SLC25A18: variants seen among roughly 807,000 people sequenced by gnomAD.
SLC25A18 encodes solute carrier family 25 member 18.
A neutral mutation model predicts 31.1 loss-of-function variants in SLC25A18; 24 were observed. The observed-to-expected ratio is 0.77, with a 90% CI of 0.56 to 1.08. The LOEUF (loss-of-function observed/expected upper bound fraction) is 1.08, where lower values mean the gene tolerates loss of function less well. Among genes scored for constraint, SLC25A18 ranks in the 50% least tolerant of loss-of-function variants. The probability of loss-of-function intolerance (pLI) is 0.00; values close to 1 mark genes in which losing one functional copy is unlikely to be tolerated. For synonymous variants in SLC25A18, 173 were observed against 161.9 expected, an observed-to-expected ratio of 1.07 and a Z score of -0.52; for missense variants, 371 against 418.5, an observed-to-expected ratio of 0.89 and a Z score of 0.99.
intron 1 of SLC25A18, among the ~76,000 whole-genome samples, chr22:17,568,236 G>A (rs1018983870): frequency 4.0e-5 from 6 of 151,782 alleles, no homozygotes; most frequent in East Asian, 2.0e-4. Context: ...GTGTGGTGGT[G>A]GGCACCTGTA....
At chr22:17,584,446 G>GGAAAGAGAGA (rs1205165235) in intron 7 of SLC25A18, among the ~76,000 whole-genome samples, 2 of 116,934 alleles carry the variant, frequency 1.7e-5, no homozygotes, top group African/African-American at 6.8e-5. Context: ...AAGGAAGGAA[G>GGAAAGAGAGA]GAGAGAGAGA....
intron 1 of SLC25A18, among the ~76,000 whole-genome samples, chr22:17,567,161 C>T (rs2056958776): frequency 6.6e-6 from 1 of 152,140 alleles, no homozygotes; most frequent in South Asian, 2.1e-4. Flanking sequence ...GACACTGTCT[C>T]AAAAATAATG....
At chr22:17,569,583 T>C in intron 1 of SLC25A18, 1 of 983,744 alleles carries the variant, frequency 1.0e-6, no homozygotes, top group Non-Finnish European at 1.2e-6. Flanking sequence ...TCAGTGTTTG[T>C]CCTCCTCCCT....
intron 2 of SLC25A18, among the ~76,000 whole-genome samples, chr22:17,574,597 A>G (rs113614017): frequency 0.056 from 8,366 of 148,906 alleles, 960 homozygotes; most frequent in African/African-American, 0.2. Context: ...GCTCACTGCA[A>G]TCACCACCTC....
chr22:17,569,520 G>A, intron 1 of SLC25A18: 11 of 723,348 alleles, frequency 1.5e-5, no homozygotes, highest in Non-Finnish European at 1.9e-5. Context: ...GAGAAGCAGA[G>A]ATTTGCTTCT....
At chr22:17,582,533 T>C (rs1200359290) in intron 5 of SLC25A18, 30 bp from the exon 6 acceptor site, 1 of 1,551,294 alleles carries the variant, frequency 6.4e-7, no homozygotes, top group South Asian at 1.2e-5. Context: ...TGGGATGGCC[T>C]TGACTCCCCA....
chr22:17,580,868 C>T (rs939177677), intron 3 of SLC25A18, 169 bp from the exon 4 acceptor site: 14 of 1,383,652 alleles, frequency 1.0e-5, no homozygotes, highest in Non-Finnish European at 1.3e-5. Flanking sequence ...GTGAGTGCGG[C>T]TGTCCTGTCT....
intron 2 of SLC25A18, among the ~76,000 whole-genome samples, chr22:17,576,772 C>A (rs921285296): frequency 7.9e-5 from 12 of 152,178 alleles, no homozygotes; most frequent in Non-Finnish European, 5.9e-5. Context: ...TAGGGAGGCT[C>A]ACCCTCCAGC....
intron 1 of SLC25A18, among the ~76,000 whole-genome samples, chr22:17,564,185 T>C (rs1439426546): frequency 6.6e-6 from 1 of 152,228 alleles, no homozygotes; most frequent in Non-Finnish European, 1.5e-5. Context: ...AAAGGCAGCG[T>C]AGATCTGCAG....
At chr22:17,568,959 C>A (rs2146207353) in intron 1 of SLC25A18, among the ~76,000 whole-genome samples, 1 of 151,196 alleles carries the variant, frequency 6.6e-6, no homozygotes, top group Non-Finnish European at 1.5e-5. Flanking sequence ...GAAATTACTA[C>A]TTATTTTTAA....
chr22:17,574,974 T>C (rs1000136944), intron 2 of SLC25A18, among the ~76,000 whole-genome samples: 1 of 151,922 alleles, frequency 6.6e-6, no homozygotes, highest in Non-Finnish European at 1.5e-5. Flanking sequence ...GCCTCAGCCT[T>C]CTGAGTACCT....
intron 2 of SLC25A18, among the ~76,000 whole-genome samples, 199 bp from the exon 3 acceptor site, chr22:17,579,546 G>A (rs1472404445): frequency 6.6e-6 from 1 of 152,062 alleles, no homozygotes; most frequent in Non-Finnish European, 1.5e-5. Context: ...GCCTCAGCAG[G>A]CTGCTGTATC....
rs777772596 is a variant in SLC25A18 at position 17,590,095 on chromosome 22, G to T, written c.807G>T (p.Arg269Ser). 1 of 1,614,028 alleles carries T rather than the reference G, an allele frequency of 6.2e-7. No individual in the cohort carries two copies. Among genetic ancestry groups the T allele is most frequent in the Non-Finnish European group, 8.5e-7 (1 of 1,180,038 alleles). Residue 269 changes from arginine (R) to serine (S), a missense_variant and splice_region_variant, in exon 11 of 11, where the codon AGG becomes AGT. Arg to Ser is a moderately radical substitution (Grantham distance 110). Coordinates refer to ENST00000327451, the MANE Select transcript of SLC25A18 (RefSeq NM_031481.3). ...CTCACTGGCTCTTCTTTCTCCCCAG[G>T]AAACTCTGGATTCAGGAGGGACCAT... ...DMYSGITDCA[R>S]KLWIQEGPSA...
At chr22:17,573,720 A>G (rs759537726) in intron 2 of SLC25A18, among the ~76,000 whole-genome samples, 1 of 152,098 alleles carries the variant, frequency 6.6e-6, no homozygotes, top group Non-Finnish European at 1.5e-5. Flanking sequence ...CAGAGCTGAG[A>G]CAGCTCCATG....
intron 2 of SLC25A18, among the ~76,000 whole-genome samples, chr22:17,577,981 T>C (rs1389098149): frequency 6.7e-6 from 1 of 149,772 alleles, no homozygotes. Flanking sequence ...CCTGCTTCTT[T>C]TTTTTTTTTT....
At chr22:17,589,479 G>A (rs1240865803) in intron 9 of SLC25A18, 111 bp from the exon 10 acceptor site, 8 of 918,874 alleles carry the variant, frequency 8.7e-6, no homozygotes, top group Non-Finnish European at 1.4e-5. Flanking sequence ...CCCGGCCTAT[G>A]AGTCAGTTTT....
chr22:17,584,529 C>A (rs1282789075), intron 7 of SLC25A18, among the ~76,000 whole-genome samples: 1 of 151,580 alleles, frequency 6.6e-6, no homozygotes, highest in East Asian at 1.9e-4. Context: ...CCTGTAATCC[C>A]AGCACTTTGG....
intron 10 of SLC25A18, 103 bp from the exon 11 acceptor site, chr22:17,589,992 G>A: frequency 6.8e-7 from 1 of 1,480,886 alleles, no homozygotes; most frequent in Non-Finnish European, 9.2e-7. Context: ...GTTGTGGAAG[G>A]CACTATTCTA....
At chr22:17,584,192 G>A in intron 7 of SLC25A18, 1 of 406,570 alleles carries the variant, frequency 2.5e-6, no homozygotes, top group Non-Finnish European at 3.3e-6. Context: ...AGAAGATTGA[G>A]ACCATCCTGG....
Sources: gnomAD v4.1 joint callset for allele counts (sites outside exome capture counted in the v4.1 genomes callset) on GRCh38, gnomAD v4.1.1 for gene constraint, MANE v1.5 for transcripts, NCBI Gene and HGNC (gene_info 2026-07-23, HGNC 2026-07-21) for gene names.